The following ANKRD12 variants were observed in gnomAD, a reference collection of about 807,000 sequenced individuals.
The protein encoded by ANKRD12 is ankyrin repeat domain 12.
In ANKRD12, 85 loss-of-function variants were observed where a neutral mutation model predicts 183.4. That is an observed-to-expected ratio of 0.46 (90% CI 0.39 to 0.56). The LOEUF (loss-of-function observed/expected upper bound fraction) is 0.56. Ranked by LOEUF, ANKRD12 falls within the 20% of genes least tolerant of loss-of-function variation. The pLI is 0.00. For synonymous variants in ANKRD12, 914 were observed against 800.2 expected (o/e 1.14, Z -2.40); for missense variants, 2,405 against 2,357.1 (o/e 1.02, Z -0.42).
At chr18:9,197,630 A>T (rs767133024) in intron 3 of ANKRD12, among the ~76,000 whole-genome samples, 1 of 152,178 alleles carries the variant, frequency 6.6e-6, no homozygotes, top group Non-Finnish European at 1.5e-5. Flanking sequence ...GTGTTATATT[A>T]TTATATACTG....
Position 9,182,404 on chromosome 18 carries a change from AAAG to A in ANKRD12, c.-22_-20del, listed in dbSNP as rs1415462156. ...CAGATCCAGGATGAGAAGACTGATA[AAAG>A]AAGAAGCTAGCTGAACAGCTGTAAA... On this transcript the variant is annotated 5_prime_UTR_variant, in exon 2 of 13. Coordinates refer to ENST00000262126, the MANE Select transcript of ANKRD12 (RefSeq NM_015208.5). 6.7e-7 allele frequency: 1 copy of A among 1,501,348 alleles called. No homozygotes were observed. 93.0% of individuals were successfully genotyped at this position (1,501,348 alleles called of 1,614,324 possible). A position where few individuals can be genotyped will look rare whatever the true frequency, so the allele number is the denominator to read the frequency against.
intron 8 of ANKRD12, among the ~76,000 whole-genome samples, chr18:9,222,782 C>G (rs1210791180): frequency 2.0e-5 from 3 of 152,054 alleles, no homozygotes; most frequent in Non-Finnish European, 4.4e-5. Context: ...CCTTTATTTT[C>G]ATGTAATATA....
At chr18:9,203,337 GT>G (rs905267846) in intron 3 of ANKRD12, among the ~76,000 whole-genome samples, 2 of 151,558 alleles carry the variant, frequency 1.3e-5, no homozygotes, top group Non-Finnish European at 2.9e-5. Context: ...TCTCTAAGTT[GT>G]TTTTTTTGAA....
At chr18:9,155,686 CTG>C (rs1315714314) in intron 1 of ANKRD12, among the ~76,000 whole-genome samples, 1 of 152,136 alleles carries the variant, frequency 6.6e-6, no homozygotes, top group African/African-American at 2.4e-5. Context: ...AGTTTCAAAA[CTG>C]TGAATGAGTT....
intron 8 of ANKRD12, among the ~76,000 whole-genome samples, chr18:9,253,138 A>G (rs996184818): frequency 6.6e-6 from 1 of 152,214 alleles, no homozygotes; most frequent in African/African-American, 2.4e-5. Flanking sequence ...TTTTGCTACA[A>G]GTATACAATG....
At chr18:9,226,470 A>AT (rs1414797462) in intron 8 of ANKRD12, among the ~76,000 whole-genome samples, 1 of 152,166 alleles carries the variant, frequency 6.6e-6, no homozygotes, top group African/African-American at 2.4e-5. Context: ...AAGTTCCTTG[A>AT]TGCCCCTTCC....
chr18:9,137,792 C>G (rs966300594), intron 1 of ANKRD12: 1 of 152,230 alleles, frequency 6.6e-6, no homozygotes, highest in African/African-American at 2.4e-5. Flanking sequence ...ACGTCAGGTT[C>G]TTAGATCTCG....
chr18:9,274,033 G>T (rs1229900813), intron 10 of ANKRD12, among the ~76,000 whole-genome samples: 1 of 152,222 alleles, frequency 6.6e-6, no homozygotes, highest in African/African-American at 2.4e-5. Context: ...AAAGGAAGAT[G>T]AAAGTTATTT....
At chr18:9,170,460 A>G (rs922799729) in intron 1 of ANKRD12, among the ~76,000 whole-genome samples, 2 of 151,960 alleles carry the variant, frequency 1.3e-5, no homozygotes, top group African/African-American at 4.8e-5. Context: ...CATTCATTTG[A>G]TCTTCCGTCA....
Position 9,207,367 on chromosome 18 carries a change from A to G in ANKRD12, c.305-1290A>G, listed in dbSNP as rs144897573. On this transcript the variant is annotated intron_variant, in intron 4 of 12. Coordinates refer to ENST00000262126, the MANE Select transcript of ANKRD12 (RefSeq NM_015208.5). ...AAGTCTTGAAATTTTGTTTTTATGC[A>G]AAACCAAATATTCAAGAAAATGGAC... Among the ~76,000 whole-genome samples the G allele has an allele frequency of 1.4e-4, 21 of 152,258 alleles. No homozygotes were observed. The East Asian group carries it at 4.0e-3, about 29-fold the overall frequency.
intron 7 of ANKRD12, among the ~76,000 whole-genome samples, chr18:9,220,137 TTAAA>T (rs2036339765): frequency 6.6e-6 from 1 of 152,240 alleles, no homozygotes; most frequent in African/African-American, 2.4e-5. Context: ...TGAATCATTC[TTAAA>T]TAATTTGTTA....
At chr18:9,219,064 T>C (rs1010181108) in intron 7 of ANKRD12, among the ~76,000 whole-genome samples, 9 of 152,230 alleles carry the variant, frequency 5.9e-5, no homozygotes, top group Admixed American at 1.3e-4. Flanking sequence ...TTGACTGTTA[T>C]GTTTTAAGCA....
At chr18:9,162,078 C>T (rs973553178) in intron 1 of ANKRD12, among the ~76,000 whole-genome samples, 11 of 151,984 alleles carry the variant, frequency 7.2e-5, no homozygotes, top group African/African-American at 2.7e-4. Context: ...GCAGTATGTG[C>T]AGGTTTGTTA....
intron 2 of ANKRD12, among the ~76,000 whole-genome samples, chr18:9,183,719 AC>A (rs1450043724): frequency 2.0e-5 from 3 of 151,870 alleles, no homozygotes; most frequent in Admixed American, 6.6e-5. Flanking sequence ...GATTACCTTT[AC>A]TTCTCGCCCC....
chr18:9,191,629 A>G (rs1181660226), intron 2 of ANKRD12, among the ~76,000 whole-genome samples: 1 of 152,162 alleles, frequency 6.6e-6, no homozygotes, highest in Non-Finnish European at 1.5e-5. Flanking sequence ...TAACCTGTGT[A>G]TTAGCTGTGC....
chr18:9,239,379 C>A (rs2037528626), intron 8 of ANKRD12: 1 of 268,158 alleles, frequency 3.7e-6, no homozygotes, highest in Non-Finnish European at 6.1e-6. Context: ...TTTCAACTTA[C>A]ATGTTTAATT....
chr18:9,222,042 A>G, intron 8 of ANKRD12, 43 bp downstream of exon 8: 2 of 1,600,622 alleles, frequency 1.2e-6, no homozygotes, highest in Non-Finnish European at 1.7e-6. Flanking sequence ...GTTTGACATG[A>G]TATTTGATAG....
rs1248545887 is a variant in ANKRD12 at position 9,283,030 on chromosome 18, T to TAA, written c.*1907_*1908dup. ...TTAAGTTTATTAAGCCTGGGAACAT[T>TAA]AAAAGCTAATTTATAAAAGCAATAC... On this transcript the variant is annotated 3_prime_UTR_variant, in exon 13 of 13. Coordinates refer to ENST00000262126, the MANE Select transcript of ANKRD12 (RefSeq NM_015208.5). 1 of 152,594 alleles carries TAA rather than the reference T, an allele frequency of 6.6e-6. No homozygotes were observed. Among genetic ancestry groups the TAA allele is most frequent in the African/African-American group, 2.4e-5 (1 of 41,444 alleles). The allele number at this position is 152,594 out of a possible 1,614,324, so 9.5% of individuals were successfully genotyped here. A position where few individuals can be genotyped will look rare whatever the true frequency, so the allele number is the denominator to read the frequency against.
chr18:9,228,634 C>G (rs1369757816), intron 8 of ANKRD12, among the ~76,000 whole-genome samples: 1 of 152,024 alleles, frequency 6.6e-6, no homozygotes, highest in African/African-American at 2.4e-5. Flanking sequence ...CTTCCAAGTC[C>G]TTTGCCCATT....
Sources: allele counts gnomAD v4.1 joint callset (sites outside exome capture counted in the v4.1 genomes callset), GRCh38; gene constraint gnomAD v4.1.1; transcripts MANE v1.5; gene names NCBI Gene and HGNC (gene_info 2026-07-23, HGNC 2026-07-21).